Variants in NLGN4X observed in about 807,000 individuals in gnomAD.
NLGN4X encodes neuroligin 4 X-linked, also known as neuroligin-4, X-linked.
In NLGN4X, 3 loss-of-function variants were observed where a neutral mutation model predicts 40.3. The ratio of observed to expected loss-of-function variants is 0.07; its 90% confidence interval spans 0.03 to 0.19. NLGN4X has a LOEUF of 0.19. NLGN4X is among the 10% of genes least tolerant of loss of function. The pLI is 1.00. For synonymous variants in NLGN4X, 270 were observed against 306.8 expected (o/e 0.88, Z 1.25); for missense variants, 382 against 708.3 (o/e 0.54, Z 5.23).
chrX:5,908,369 C>T (rs1199423792), intron 4 of NLGN4X, among the ~76,000 whole-genome samples: 2 of 111,291 alleles, frequency 1.8e-5, no homozygotes, highest in Non-Finnish European at 3.8e-5. Flanking sequence ...AGAGGAGCGA[C>T]TTCTTAAAAA....
intron 2 of NLGN4X, among the ~76,000 whole-genome samples, chrX:6,046,238 T>C (rs1423293065): frequency 9.0e-6 from 1 of 111,651 alleles, no homozygotes; most frequent in African/African-American, 3.2e-5. Flanking sequence ...TTCAAAATAA[T>C]TTATTACTTT....
chrX:6,064,739 C>T (rs2037864824), intron 2 of NLGN4X, among the ~76,000 whole-genome samples: 1 of 111,064 alleles, frequency 9.0e-6, no homozygotes, highest in African/African-American at 3.3e-5. Context: ...CGCTACCATT[C>T]GACCCAGCAT....
At position 6,151,580 on chromosome X, in the gene NLGN4X, G is replaced by T; in HGVS notation, c.-114C>A. On this transcript the variant is annotated 5_prime_UTR_variant, in exon 2 of 6. Coordinates refer to ENST00000381095, the MANE Select transcript of NLGN4X (RefSeq NM_181332.3). ...GCTTTCCAGGGAGCAGTAGACCTGG[G>T]AGAGACTCTCAGACTGATCACAGAC... 1.6e-6 allele frequency: 1 copy of T among 617,545 alleles called. No homozygotes were observed. Among genetic ancestry groups the T allele is most frequent in the Non-Finnish European group, 2.7e-6 (1 of 375,032 alleles). 50.9% of individuals were successfully genotyped at this position (617,545 alleles called of 1,213,427 possible). A position where few individuals can be genotyped will look rare whatever the true frequency, so the allele number is the denominator to read the frequency against.
intron 2 of NLGN4X, among the ~76,000 whole-genome samples, chrX:6,149,583 C>T (rs2040122126): frequency 9.0e-6 from 1 of 111,370 alleles, no homozygotes; most frequent in Non-Finnish European, 1.9e-5. Context: ...CTCAGAACAC[C>T]CCATGGAAGT....
intron 3 of NLGN4X, among the ~76,000 whole-genome samples, chrX:6,015,600 C>T (rs1602066784): frequency 1.8e-5 from 2 of 111,796 alleles, no homozygotes; most frequent in Admixed American, 1.9e-4. Context: ...CTGATCAAGT[C>T]CTGCCTTACT....
chrX:6,228,116 C>A (rs925574335), intron 1 of NLGN4X, among the ~76,000 whole-genome samples: 1 of 111,617 alleles, frequency 9.0e-6, no homozygotes, highest in Non-Finnish European at 1.9e-5. Context: ...CTCCTCTCCC[C>A]GCCACAGTCT....
intron 2 of NLGN4X, among the ~76,000 whole-genome samples, chrX:6,031,553 T>C (rs762709253): frequency 9.0e-6 from 1 of 111,594 alleles, no homozygotes; most frequent in Non-Finnish European, 1.9e-5. Flanking sequence ...ACTACAAGAA[T>C]TGGTCAAAAG....
At chrX:6,130,169 TCA>T (rs2039650471) in intron 2 of NLGN4X, among the ~76,000 whole-genome samples, 1 of 112,139 alleles carries the variant, frequency 8.9e-6, no homozygotes, top group Non-Finnish European at 1.9e-5. Flanking sequence ...ATTACAGGCA[TCA>T]GCCACGAGGC....
chrX:6,205,886 T>C (rs745902369), intron 1 of NLGN4X, among the ~76,000 whole-genome samples: 10 of 112,279 alleles, frequency 8.9e-5, no homozygotes, highest in Non-Finnish European at 1.9e-4. Flanking sequence ...TGCCAATTCA[T>C]ATCCAACACT....
chrX:5,964,865 T>C (rs1211486258), intron 3 of NLGN4X, among the ~76,000 whole-genome samples: 1 of 112,247 alleles, frequency 8.9e-6, no homozygotes, highest in African/African-American at 3.2e-5. Flanking sequence ...ATACAAGAGA[T>C]AGCTCCTATA....
intron 2 of NLGN4X, among the ~76,000 whole-genome samples, chrX:6,110,273 A>G (rs1455787117): frequency 9.0e-6 from 1 of 111,720 alleles, no homozygotes; most frequent in African/African-American, 3.3e-5. Context: ...AGACGCTCAG[A>G]GTCAAGTGGA....
At chrX:5,900,557 G>A (rs1238075577) in intron 5 of NLGN4X, among the ~76,000 whole-genome samples, 2 of 85,651 alleles carry the variant, frequency 2.3e-5, no homozygotes, top group African/African-American at 8.4e-5. Context: ...ACCGTTTTTG[G>A]TGCTTTTTTT....
At chrX:5,972,773 G>T (rs553310981) in intron 3 of NLGN4X, among the ~76,000 whole-genome samples, 1 of 54,624 alleles carries the variant, frequency 1.8e-5, no homozygotes, top group Non-Finnish European at 5.0e-5. Flanking sequence ...GGGGCGGGGT[G>T]GGGGCGGGGA....
At position 6,190,927 on chromosome X, in the gene NLGN4X, G is replaced by A. The variant is rs1466350303; in HGVS notation, c.-306+37614C>T. 6.3e-5 allele frequency among the ~76,000 whole-genome samples: 7 copies of A among 111,028 alleles called. No homozygotes were observed. In the Admixed American group the frequency reaches 6.7e-4, roughly 11 times the overall value. On this transcript the variant is annotated intron_variant, in intron 1 of 5. Transcript: ENST00000381095. ...AGGTTTACATACAGTGAGTCAGACAGGTGACCTTCATCTGTGTTTGTCTAC... is the reference window on the plus strand; with the variant it reads ...AGGTTTACATACAGTGAGTCAGACAAGTGACCTTCATCTGTGTTTGTCTAC...
intron 3 of NLGN4X, among the ~76,000 whole-genome samples, chrX:5,972,335 T>C (rs778438614): frequency 9.0e-6 from 1 of 111,257 alleles, no homozygotes; most frequent in Non-Finnish European, 1.9e-5. Context: ...TGTACCCCAT[T>C]TATTATACTG....
At chrX:6,088,300 G>A (rs1373712151) in intron 2 of NLGN4X, among the ~76,000 whole-genome samples, 1 of 112,156 alleles carries the variant, frequency 8.9e-6, no homozygotes, top group Non-Finnish European at 1.9e-5. Flanking sequence ...CCCTGCAGAA[G>A]CCATTTTTCA....
chrX:6,195,128 G>A (rs1922926867), intron 1 of NLGN4X, among the ~76,000 whole-genome samples: 1 of 112,195 alleles, frequency 8.9e-6, no homozygotes, highest in African/African-American at 3.2e-5. Flanking sequence ...TGCATTAGCT[G>A]TTTGTCCGAA....
intron 2 of NLGN4X, among the ~76,000 whole-genome samples, chrX:6,142,076 T>C (rs1051930743): frequency 8.9e-6 from 1 of 111,876 alleles, no homozygotes; most frequent in African/African-American, 3.2e-5. Flanking sequence ...ATATGCACTA[T>C]GTGAAAATTT....
At chrX:6,206,233 A>C (rs1267160246) in intron 1 of NLGN4X, among the ~76,000 whole-genome samples, 2 of 111,343 alleles carry the variant, frequency 1.8e-5, no homozygotes, top group African/African-American at 6.5e-5. Flanking sequence ...CTGGGTGAGG[A>C]GTCTGCCCTT....
Sources: allele counts gnomAD v4.1 joint callset (sites outside exome capture counted in the v4.1 genomes callset), GRCh38; gene constraint gnomAD v4.1.1; transcripts MANE v1.5; gene names NCBI Gene and HGNC (gene_info 2026-07-23, HGNC 2026-07-21).